Variants in MCU observed in about 807,000 individuals in gnomAD.
The protein encoded by MCU is mitochondrial calcium uniporter, also known as calcium uniporter protein, mitochondrial.
In MCU, 12 loss-of-function variants were observed where a neutral mutation model predicts 45.2. That is an observed-to-expected ratio of 0.27 (90% CI 0.17 to 0.43). The LOEUF (loss-of-function observed/expected upper bound fraction) is 0.43. Ranked by LOEUF, MCU falls within the 20% of genes least tolerant of loss-of-function variation. MCU has a pLI of 1.00. For missense variants in MCU, 324 were observed against 436.7 expected, an observed-to-expected ratio of 0.74 and a Z score of 2.30; for synonymous variants, 160 against 165.1, an observed-to-expected ratio of 0.97 and a Z score of 0.24.
intron 4 of MCU, among the ~76,000 whole-genome samples, chr10:72,863,368 C>T (rs1845408090): frequency 1.3e-5 from 2 of 152,128 alleles, no homozygotes; most frequent in East Asian, 1.9e-4. Context: ...AATGTGTTCG[C>T]TGGGTAGCAT....
rs77021957 is a variant in MCU at position 72,742,750 on chromosome 10, T to C, written c.150+50449T>C. ...GGGCAGGGGCTGAACTATAGATAAA[T>C]TGCAGGGATTGATTATACCCATTAG... On this transcript the variant is annotated intron_variant, in intron 1 of 7. Coordinates refer to ENST00000373053, the MANE Select transcript of MCU (RefSeq NM_138357.3). 7.7e-3 allele frequency among the ~76,000 whole-genome samples: 1,167 copies of C among 152,180 alleles called. 17 individuals carry two copies. Among genetic ancestry groups the C allele is most frequent in the African/African-American group, 0.027 (1,102 of 41,534 alleles).
At chr10:72,763,356 C>T (rs17729764) in intron 1 of MCU, among the ~76,000 whole-genome samples, 2,128 of 152,068 alleles carry the variant, frequency 0.014, 21 homozygotes, top group Middle Eastern at 0.041. Flanking sequence ...GGAAAAGCTT[C>T]GAGGAGCAGA....
intron 1 of MCU, among the ~76,000 whole-genome samples, chr10:72,758,589 C>T (rs1843611011): frequency 1.3e-5 from 2 of 152,078 alleles, no homozygotes; most frequent in Admixed American, 1.3e-4. Flanking sequence ...ATGCAACTTT[C>T]AGTTACTAGA....
chr10:72,868,611 C>T (rs1845494076), intron 4 of MCU, 92 bp from the exon 5 acceptor site: 2 of 1,142,838 alleles, frequency 1.8e-6, no homozygotes, highest in Non-Finnish European at 2.5e-6. Context: ...AGGTGAGATA[C>T]CTATAATGGA....
At chr10:72,707,643 G>A (rs528498410) in intron 1 of MCU, among the ~76,000 whole-genome samples, 113 of 148,752 alleles carry the variant, frequency 7.6e-4, no homozygotes, top group Non-Finnish European at 1.2e-3. Context: ...GTGTGTGTGT[G>A]TGTGTTTCCC....
At chr10:72,815,688 C>G (rs921559438) in intron 1 of MCU, among the ~76,000 whole-genome samples, 6 of 152,138 alleles carry the variant, frequency 3.9e-5, no homozygotes, top group Non-Finnish European at 7.4e-5. Flanking sequence ...GAAAGCTCAA[C>G]AAATCTAATA....
chr10:72,700,667 A>G (rs1343534515), intron 1 of MCU, among the ~76,000 whole-genome samples: 1 of 152,226 alleles, frequency 6.6e-6, no homozygotes, highest in African/African-American at 2.4e-5. Context: ...TTGGGTCTAA[A>G]GCATGCTAAA....
chr10:72,760,853 A>G (rs1367395179), intron 1 of MCU, among the ~76,000 whole-genome samples: 1 of 151,576 alleles, frequency 6.6e-6, no homozygotes, highest in African/African-American at 2.4e-5. Context: ...TGCCAGGCCC[A>G]TAGATATTTT....
At chr10:72,784,940 A>G (rs967363823) in intron 1 of MCU, among the ~76,000 whole-genome samples, 1 of 152,176 alleles carries the variant, frequency 6.6e-6, no homozygotes, top group South Asian at 2.1e-4. Context: ...GCACCAGTCA[A>G]CCAATTCCTG....
chr10:72,798,493 T>C (rs977719750), intron 1 of MCU, among the ~76,000 whole-genome samples: 31 of 152,170 alleles, frequency 2.0e-4, no homozygotes, highest in African/African-American at 7.2e-4. Context: ...GGTTTCACCA[T>C]GCTGGCCAGG....
chr10:72,882,790 C>T (rs1403063502), intron 6 of MCU, among the ~76,000 whole-genome samples: 1 of 152,170 alleles, frequency 6.6e-6, no homozygotes, highest in Non-Finnish European at 1.5e-5. Flanking sequence ...CTCTGTGACC[C>T]ACACCCTATT....
At chr10:72,832,320 G>A (rs1331272772) in intron 1 of MCU, among the ~76,000 whole-genome samples, 1 of 152,154 alleles carries the variant, frequency 6.6e-6, no homozygotes, top group Non-Finnish European at 1.5e-5. Context: ...ATTAATTAAA[G>A]TATGTAGGCT....
chr10:72,714,759 G>A (rs1282085303), intron 1 of MCU, among the ~76,000 whole-genome samples: 1 of 151,882 alleles, frequency 6.6e-6, no homozygotes, highest in Non-Finnish European at 1.5e-5. Context: ...GGTCAGGCTG[G>A]TCTTGAATTC....
intron 1 of MCU, among the ~76,000 whole-genome samples, chr10:72,797,534 CTTTTT>C (rs11411848): frequency 8.6e-6 from 1 of 115,704 alleles, no homozygotes; most frequent in African/African-American, 3.3e-5. Flanking sequence ...CCATAATATA[CTTTTT>C]TTTTTTTTTT....
At chr10:72,749,848 C>T (rs1843468875) in intron 1 of MCU, among the ~76,000 whole-genome samples, 1 of 152,008 alleles carries the variant, frequency 6.6e-6, no homozygotes, top group South Asian at 2.1e-4. Context: ...CTCACTGCAG[C>T]CTCCGCCTCC....
At chr10:72,796,816 G>A (rs886767839) in intron 1 of MCU, among the ~76,000 whole-genome samples, 1 of 151,140 alleles carries the variant, frequency 6.6e-6, no homozygotes, top group Non-Finnish European at 1.5e-5. Context: ...GGATTTAACA[G>A]ATAAATTTAA....
rs1158153986 is a variant in MCU at position 72,693,199 on chromosome 10, TGA to T, written c.150+911_150+912del. On this transcript the variant is annotated intron_variant, in intron 1 of 7. Coordinates refer to ENST00000373053, the MANE Select transcript of MCU (RefSeq NM_138357.3). ...GTGTGTGTGTGTGTGTGTGTGTGTG[TGA>T]GAGAGAGAGAGACAGAGTGTGAGAG... The T allele has an allele frequency of 7.0e-3, 3,261 of 466,334 alleles. 1 individual carries two copies. The highest frequency in any genetic ancestry group is 0.011 in the Middle Eastern group (26 of 2,334). 28.9% of individuals were successfully genotyped at this position (466,334 alleles called of 1,614,324 possible).
chr10:72,805,077 GTTTCTTTCTTTCTTTCTTTCTTTCTC>G (rs1282178022), intron 1 of MCU, among the ~76,000 whole-genome samples: 109 of 141,160 alleles, frequency 7.7e-4, no homozygotes, highest in African/African-American at 2.0e-3. Flanking sequence ...GCCCTAGTTT[GTTTCTTTCTTTCTTTCTTTCTTTCTC>G]TTTCTTTCTT....
chr10:72,748,169 A>T (rs943126106), intron 1 of MCU, among the ~76,000 whole-genome samples: 3 of 151,298 alleles, frequency 2.0e-5, no homozygotes, highest in Admixed American at 1.3e-4. Flanking sequence ...TGCCTCAGCC[A>T]CCTGAGTAGC....
Sources: allele counts gnomAD v4.1 joint callset (sites outside exome capture counted in the v4.1 genomes callset), GRCh38; gene constraint gnomAD v4.1.1; transcripts MANE v1.5; gene names NCBI Gene and HGNC (gene_info 2026-07-23, HGNC 2026-07-21).